Variants in OAS3 observed in about 807,000 individuals in gnomAD.
The protein encoded by OAS3 is 2'-5'-oligoadenylate synthetase 3.
In OAS3, 107 loss-of-function variants were observed where a neutral mutation model predicts 113.0. The ratio of observed to expected loss-of-function variants is 0.95; its 90% CI spans 0.81 to 1.11. The LOEUF is 1.11. OAS3 is among the 50% of genes most tolerant of loss of function. The pLI, the probability that OAS3 is intolerant of heterozygous loss-of-function variation, is 0.00. For synonymous variants in OAS3, 552 were observed against 573.6 expected (o/e 0.96, Z 0.54); for missense variants, 1,258 against 1,389.1 (o/e 0.91, Z 1.50).
At chr12:112,968,659 C>T (rs989112832) in intron 14 of OAS3, among the ~76,000 whole-genome samples, 1 of 152,282 alleles carries the variant, frequency 6.6e-6, no homozygotes, top group Non-Finnish European at 1.5e-5. Context: ...GGACCAGAGG[C>T]GCATGCCACC....
rs1460323053 is a variant in OAS3, at chr12:112,969,710, C to G, written c.3207C>G (p.Cys1069Trp). The change falls in exon 15 of 16, where the codon TGC becomes TGG. Residue 1069 changes from cysteine (C) to tryptophan (W), a missense_variant. Physicochemically the swap from Cys to Trp is radical, Grantham distance 215. Coordinates refer to ENST00000228928, the MANE Select transcript of OAS3 (RefSeq NM_006187.4). ...CTGCAGCCTGCACATCTGCCCTGTG[C>G]TGCATGGGACGGAATGGCATCCCCA... ...KEAAACTSAL[C>W]CMGRNGIPIQ... The G allele has an allele frequency of 1.2e-6, 2 of 1,613,306 alleles. No homozygotes were observed. Among genetic ancestry groups the G allele is most frequent in the South Asian group, 2.2e-5 (2 of 90,826 alleles).
chr12:112,972,879 G>GGTGTGTGTGTGTGTGTGTGT lies in OAS3; in HGVS notation c.*2921_*2940dup, dbSNP rs35035664. 6 of 147,364 alleles carry GGTGTGTGTGTGTGTGTGTGT rather than the reference G, an allele frequency of 4.1e-5. No individual in the cohort carries two copies. The highest frequency in any genetic ancestry group is 1.5e-4 in the African/African-American group (6 of 39,926). 9.1% of individuals were successfully genotyped at this position (147,364 alleles called of 1,614,324 possible). A position where few individuals can be genotyped will look rare whatever the true frequency, so the allele number is the denominator to read the frequency against. ...AGAAATGCAGGACTGCAAAGAAATT[G>GGTGTGTGTGTGTGTGTGTGT]GTGTGTGTGTGTGTGTGTGTGTGTG... On this transcript the variant is annotated 3_prime_UTR_variant, in exon 16 of 16. Coordinates refer to ENST00000228928, the MANE Select transcript of OAS3 (RefSeq NM_006187.4).
At chr12:112,950,558 T>A in intron 6 of OAS3, 135 bp from the exon 7 acceptor site, 1 of 1,035,070 alleles carries the variant, frequency 9.7e-7, no homozygotes, top group Non-Finnish European at 1.4e-6. Context: ...GCAGTCGACC[T>A]TTGTCATAGT....
intron 1 of OAS3, among the ~76,000 whole-genome samples, chr12:112,939,233 G>T (rs1466348484): frequency 2.0e-5 from 3 of 151,378 alleles, no homozygotes; most frequent in Non-Finnish European, 4.4e-5. Context: ...GTTCAGTGAG[G>T]CAGGTATTAT....
intron 11 of OAS3, among the ~76,000 whole-genome samples, chr12:112,965,131 T>G (rs2043922589): frequency 6.6e-6 from 1 of 152,202 alleles, no homozygotes; most frequent in Non-Finnish European, 1.5e-5. Context: ...GAGAGACAAG[T>G]GAGACCCAGA....
intron 6 of OAS3, among the ~76,000 whole-genome samples, chr12:112,949,685 C>T (rs1248911942): frequency 6.6e-6 from 1 of 152,194 alleles, no homozygotes; most frequent in African/African-American, 2.4e-5. Context: ...GTTTCTTGAT[C>T]TGATGTCCTC....
chr12:112,949,254 C>T (rs1309323245), intron 6 of OAS3, 49 bp downstream of exon 6: 15 of 1,524,566 alleles, frequency 9.8e-6, no homozygotes, highest in South Asian at 9.4e-5. Flanking sequence ...GAGGGATCAG[C>T]GTGGGGAAGG....
chr12:112,969,236 T>G (rs1255457903), intron 14 of OAS3: 1 of 192,918 alleles, frequency 5.2e-6, no homozygotes, highest in African/African-American at 2.3e-5. Flanking sequence ...TGAAAAAATT[T>G]GAAGTCCAAA....
chr12:112,938,614 G>A lies in OAS3; in HGVS notation c.84G>A (p.Lys28=), dbSNP rs778743514. The A allele has an allele frequency of 1.9e-6, 3 of 1,609,856 alleles. No individual in the cohort carries two copies. ...AGCCGCGGAAGGAGTTCGTAGAGAA[G>A]GCGCGGCGCGCTCTGGGCGCCCTGG... ...RLQPRKEFVE[K]ARRALGALAA... is the part of the protein sequence containing the mutation. The change falls in exon 1 of 16, where the codon AAG becomes AAA. Residue 28 remains lysine, a synonymous_variant. Transcript: ENST00000228928.
intron 2 of OAS3, among the ~76,000 whole-genome samples, chr12:112,943,024 G>A (rs898005762): frequency 2.0e-5 from 3 of 151,720 alleles, no homozygotes; most frequent in Non-Finnish European, 2.9e-5. Context: ...TGCAACCTCC[G>A]TCCTGGGTTC....
chr12:112,942,050 C>A, intron 2 of OAS3, 198 bp downstream of exon 2: 1 of 658,088 alleles, frequency 1.5e-6, no homozygotes, highest in Non-Finnish European at 2.6e-6. Context: ...CCTCCTGGAT[C>A]TGTGGTCCTG....
Position 112,963,700 on chromosome 12 carries a change from A to T in OAS3, c.2229+243A>T, listed in dbSNP as rs1195393621. On this transcript the variant is annotated intron_variant, in intron 10 of 15. Transcript: ENST00000228928. The surrounding 1 kb of genome is among the most constrained non-coding windows in gnomAD (Gnocchi z 4.6). ...GTCTCCAGGCGGAACCGATTCTGTG[A>T]TGCAACTCACGTTCCAGCGCTCCCT... 2.0e-5 allele frequency among the ~76,000 whole-genome samples: 3 copies of T among 152,196 alleles called. No homozygotes were observed. Among genetic ancestry groups the T allele is most frequent in the Non-Finnish European group, 4.4e-5 (3 of 68,016 alleles).
At position 112,970,170 on chromosome 12, in the gene OAS3, T is replaced by TCC; in HGVS notation, c.*199_*200dup. ...CTCCCAGCTCACACACTCCCCTGCCTCCCATGGCTTACACACTAGGATCCA... is the reference window on the plus strand; with the variant it reads ...CTCCCAGCTCACACACTCCCCTGCCTCCCCCATGGCTTACACACTAGGATCCA... On this transcript the variant is annotated 3_prime_UTR_variant, in exon 16 of 16. Coordinates refer to ENST00000228928, the MANE Select transcript of OAS3 (RefSeq NM_006187.4). The TCC allele has an allele frequency of 1.5e-6, 1 of 662,002 alleles. No homozygotes were observed. The highest frequency in any genetic ancestry group is 2.7e-6 in the Non-Finnish European group (1 of 375,176). 41.0% of individuals were successfully genotyped at this position (662,002 alleles called of 1,614,324 possible). A position where few individuals can be genotyped will look rare whatever the true frequency, so the allele number is the denominator to read the frequency against.
At chr12:112,964,103 C>T (rs546353813) in intron 10 of OAS3, 132 bp from the exon 11 acceptor site, 4 of 929,074 alleles carry the variant, frequency 4.3e-6, no homozygotes, top group Non-Finnish European at 6.4e-6. Flanking sequence ...CAGAACCTAC[C>T]CACCAGCTGA....
At chr12:112,946,089 G>A (rs1020746105) in intron 3 of OAS3, among the ~76,000 whole-genome samples, 2 of 152,104 alleles carry the variant, frequency 1.3e-5, no homozygotes, top group Non-Finnish European at 1.5e-5. Flanking sequence ...GTGCACCCAC[G>A]CATGTTTGTC....
Position 112,946,869 on chromosome 12 carries a change from G to A in OAS3, c.763G>A (p.Val255Ile), listed in dbSNP as rs762002829. The change falls in exon 4 of 16, where the codon GTC (valine) becomes ATC (isoleucine). Residue 255 changes from valine (V) to isoleucine (I), a missense_variant. Physicochemically the swap from Val to Ile is conservative, Grantham distance 29. Transcript: ENST00000228928. ...CAGCCTAGCCGAAGGCCTCCGAACT[G>A]TCCTGGGCCTGATCCAACAGCATCA... ...AFSLAEGLRT[V>I]LGLIQQHQHL... 1 of 1,614,044 alleles carries A rather than the reference G, an allele frequency of 6.2e-7. No individual in the cohort carries two copies. The highest frequency in any genetic ancestry group is 1.1e-5 in the South Asian group (1 of 91,082).
chr12:112,962,490 T>TCCTC (rs2043895896), intron 8 of OAS3, among the ~76,000 whole-genome samples, 162 bp from the exon 9 acceptor site: 1 of 152,202 alleles, frequency 6.6e-6, no homozygotes, highest in African/African-American at 2.4e-5. Context: ...ACTACCCTCC[T>TCCTC]CTGAACCTCA....
chr12:112,938,990 G>A (rs2043655353), intron 1 of OAS3, among the ~76,000 whole-genome samples: 1 of 152,158 alleles, frequency 6.6e-6, no homozygotes, highest in Non-Finnish European at 1.5e-5. Flanking sequence ...AATCCAAGTA[G>A]CCTGATTCCT....
In OAS3 at chr12:112,962,876, C is replaced by G; in HGVS notation, c.2058C>G (p.His686Gln). 1 of 1,613,874 alleles carries G rather than the reference C, an allele frequency of 6.2e-7. No individual in the cohort carries two copies. Among genetic ancestry groups the G allele is most frequent in the East Asian group, 2.2e-5 (1 of 44,868 alleles). ...CTGAGGACCCAGCCATGAGAATGCA[C>G]CTTCTTGGCCAGCTTCGAAAACCCA... ...YSTEDPAMRM[H>Q]LLGQLRKPRP... The change falls in exon 9 of 16, where the codon CAC becomes CAG. Residue 686 changes from histidine to glutamine, a missense_variant. Physicochemically the swap from His to Gln is conservative, Grantham distance 24. Transcript: ENST00000228928.
Sources: gnomAD v4.1 joint callset for allele counts (sites outside exome capture counted in the v4.1 genomes callset) on GRCh38, gnomAD v4.1.1 for gene constraint, Gnocchi (gnomAD v3.1) non-coding constraint, MANE v1.5 for transcripts, NCBI Gene and HGNC (gene_info 2026-07-23, HGNC 2026-07-21) for gene names.